STX18: variants seen among roughly 807,000 people sequenced by gnomAD.
STX18 encodes syntaxin 18.
STX18 carries 40 observed loss-of-function variants against 50.1 expected under a neutral mutation model. That is an observed-to-expected ratio of 0.80 (90% CI 0.62 to 1.04). The LOEUF (loss-of-function observed/expected upper bound fraction) is 1.04, where lower values mean the gene tolerates loss of function less well. STX18 is among the 50% of genes least tolerant of loss of function. The probability of loss-of-function intolerance (pLI) is 0.00; values close to 1 mark genes in which losing one functional copy is unlikely to be tolerated. For missense variants in STX18, 410 were observed against 415.8 expected (o/e 0.99, Z 0.12); for synonymous variants, 158 against 151.8 (o/e 1.04, Z -0.30).
chr4:4,505,473 T>C (rs1345864914), intron 1 of STX18, among the ~76,000 whole-genome samples: 1 of 151,986 alleles, frequency 6.6e-6, no homozygotes, highest in Non-Finnish European at 1.5e-5. Context: ...TGGGAAAAGA[T>C]CAAAATCCAA....
At chr4:4,461,890 C>A (rs985248421) in intron 2 of STX18, 8 of 456,158 alleles carry the variant, frequency 1.8e-5, no homozygotes, top group Non-Finnish European at 2.6e-5. Context: ...ACCTTTCTCT[C>A]CTCTCTTTTA....
At chr4:4,508,085 A>G (rs1374748067) in intron 1 of STX18, among the ~76,000 whole-genome samples, 1 of 152,214 alleles carries the variant, frequency 6.6e-6, no homozygotes, top group African/African-American at 2.4e-5. Flanking sequence ...GAGAATTATT[A>G]ATCACTATTA....
intron 1 of STX18, chr4:4,477,962 A>G (rs1728271014): frequency 6.6e-6 from 1 of 152,128 alleles, no homozygotes; most frequent in Admixed American, 6.5e-5. Context: ...CTCCATAACG[A>G]TCGTACGAAT....
rs1729177042 is a variant in STX18 at position 4,496,502 on chromosome 4, T to C, written c.169-24796A>G. 2.0e-5 allele frequency among the ~76,000 whole-genome samples: 3 copies of C among 152,208 alleles called. No homozygotes were observed. In the South Asian group the frequency reaches 6.2e-4, roughly 31 times the overall value. ...GCCTCGCTCTTGGATTCCTCACTTG[T>C]GGCCCTGTCTTTGCAGTCTCTACCC... On this transcript the variant is annotated intron_variant, in intron 1 of 10. Transcript: ENST00000306200.
intron 5 of STX18, among the ~76,000 whole-genome samples, chr4:4,451,266 C>A (rs1726736688): frequency 6.6e-6 from 1 of 152,146 alleles, no homozygotes; most frequent in South Asian, 2.1e-4. Context: ...TTAAAGAGAA[C>A]ATAAAGAGAC....
At chr4:4,520,875 A>T (rs1730477128) in intron 1 of STX18, among the ~76,000 whole-genome samples, 1 of 152,228 alleles carries the variant, frequency 6.6e-6, no homozygotes, top group African/African-American at 2.4e-5. Context: ...AAAACATAAG[A>T]TGTCCACATG....
intron 1 of STX18, among the ~76,000 whole-genome samples, chr4:4,473,515 G>C (rs1407885268): frequency 6.6e-6 from 1 of 151,890 alleles, no homozygotes; most frequent in East Asian, 1.9e-4. Flanking sequence ...GGATGGTCCC[G>C]ATCTCCGGAC....
chr4:4,485,604 C>T (rs887587936), intron 1 of STX18, among the ~76,000 whole-genome samples: 2 of 152,098 alleles, frequency 1.3e-5, no homozygotes. Context: ...GTAGAAGAGG[C>T]CCTAGGGAAC....
intron 1 of STX18, among the ~76,000 whole-genome samples, chr4:4,533,665 T>C (rs1577410472): frequency 1.3e-5 from 2 of 152,222 alleles, no homozygotes; most frequent in South Asian, 4.1e-4. Context: ...CCTCAATATG[T>C]AGAAAAATCT....
intron 5 of STX18, among the ~76,000 whole-genome samples, chr4:4,440,760 A>G (rs1235447975): frequency 6.6e-6 from 1 of 152,192 alleles, no homozygotes; most frequent in African/African-American, 2.4e-5. Context: ...TTAACAAAAA[A>G]TTTTTTCAAA....
At chr4:4,441,738 A>G (rs1334444792) in intron 5 of STX18, among the ~76,000 whole-genome samples, 1 of 152,216 alleles carries the variant, frequency 6.6e-6, no homozygotes, top group Non-Finnish European at 1.5e-5. Flanking sequence ...CCCATCCTGA[A>G]GCCGGAAAAA....
chr4:4,485,762 TGTGGGATGCACCTACAGC>T (rs1344509443), intron 1 of STX18, among the ~76,000 whole-genome samples: 3 of 152,216 alleles, frequency 2.0e-5, no homozygotes, highest in African/African-American at 7.2e-5. Flanking sequence ...ATTAGGTTTC[TGTGGGATGCACCTACAGC>T]GTGCAGCCTG....
At position 4,463,690 on chromosome 4, in the gene STX18, A is replaced by G. The variant is rs73796014; in HGVS notation, c.237-4203T>C. On this transcript the variant is annotated intron_variant, in intron 2 of 10. Coordinates refer to ENST00000306200, the MANE Select transcript of STX18 (RefSeq NM_016930.4). ...TACAAGTTTTGTAAAGTTTTACAAA[A>G]TCACTGTAGCTTCCATTTTTTACAG... is the stretch of plus-strand genomic sequence containing the variant. Among the ~76,000 whole-genome samples the G allele has an allele frequency of 7.9e-3, 1,196 of 152,356 alleles. 14 individuals are homozygous for G. Among genetic ancestry groups the G allele is most frequent in the African/African-American group, 0.027 (1,140 of 41,576 alleles).
intron 1 of STX18, chr4:4,481,679 T>C (rs1000848527): frequency 4.6e-5 from 7 of 152,152 alleles, no homozygotes; most frequent in African/African-American, 7.2e-5. Context: ...AATGCATCAA[T>C]AGCAATTACT....
intron 1 of STX18, among the ~76,000 whole-genome samples, chr4:4,524,136 G>A (rs1730642840): frequency 6.6e-6 from 1 of 152,186 alleles, no homozygotes; most frequent in African/African-American, 2.4e-5. Context: ...CTGGCATATA[G>A]TTGGTGCTTA....
chr4:4,460,390 T>G (rs377705955), intron 2 of STX18, among the ~76,000 whole-genome samples: 1 of 152,128 alleles, frequency 6.6e-6, no homozygotes. Context: ...TAAACCGATT[T>G]TTCCCCCCAC....
At chr4:4,531,535 C>T (rs773308876) in intron 1 of STX18, among the ~76,000 whole-genome samples, 2 of 152,146 alleles carry the variant, frequency 1.3e-5, no homozygotes, top group Non-Finnish European at 2.9e-5. Context: ...GCTCTCGAGG[C>T]CTCTGTAATC....
At chr4:4,438,709 A>G (rs1162246549) in intron 5 of STX18, among the ~76,000 whole-genome samples, 200 bp from the exon 6 acceptor site, 1 of 151,998 alleles carries the variant, frequency 6.6e-6, no homozygotes, top group African/African-American at 2.4e-5. Context: ...TGCAGGGTAG[A>G]GATTGTGCAT....
intron 2 of STX18, among the ~76,000 whole-genome samples, chr4:4,471,402 T>C (rs1352846825): frequency 6.6e-6 from 1 of 152,200 alleles, no homozygotes; most frequent in African/African-American, 2.4e-5. Context: ...CAGGAGATAA[T>C]GGTACATAGA....
Sources: gnomAD v4.1 joint callset for allele counts (sites outside exome capture counted in the v4.1 genomes callset) on GRCh38, gnomAD v4.1.1 for gene constraint, MANE v1.5 for transcripts, NCBI Gene and HGNC (gene_info 2026-07-23, HGNC 2026-07-21) for gene names.